Variants in SPN observed in about 807,000 individuals in gnomAD.
SPN encodes sialophorin.
In SPN, 6 loss-of-function variants were observed where a neutral mutation model predicts 8.4. The ratio of observed to expected loss-of-function variants is 0.72; its 90% CI spans 0.39 to 1.42. SPN has a LOEUF of 1.42. Among genes scored for constraint, SPN ranks in the 40% most tolerant of loss-of-function variants. SPN has a pLI of 0.02. For synonymous variants in SPN, 201 were observed against 222.6 expected, an observed-to-expected ratio of 0.90 and a Z score of 0.86; for missense variants, 517 against 530.6, an observed-to-expected ratio of 0.97 and a Z score of 0.25.
chr16:29,670,642 A>C lies in SPN; in HGVS notation c.*5711A>C, dbSNP rs1432080479. On this transcript the variant is annotated 3_prime_UTR_variant, in exon 2 of 2. Transcript: ENST00000652691. ...GACTTTGGAAAATACCAGCAATATA[A>C]TGTTAAGTGGGGAAAAAAGCAAGTT... The C allele has an allele frequency of 1.0e-5, 4 of 396,492 alleles. No homozygotes were observed. Among genetic ancestry groups the C allele is most frequent in the Non-Finnish European group, 2.0e-5 (4 of 197,226 alleles). 24.6% of individuals were successfully genotyped at this position (396,492 alleles called of 1,614,324 possible).
rs1966837606 is a variant in SPN at position 29,667,966 on chromosome 16, A to ATGTGTGTGCGCATGTGTG, written c.*3042_*3059dup. The stretch of plus-strand genomic sequence containing the variant: ...TGTGCCTGTGTGTGTATGTGTGCAC[A>ATGTGTGTGCGCATGTGTG]TGTGTGTGCGCATGTGTGTGTGTGC... On this transcript the variant is annotated 3_prime_UTR_variant, in exon 2 of 2. Transcript: ENST00000652691. 1 of 166,470 alleles carries ATGTGTGTGCGCATGTGTG rather than the reference A, an allele frequency of 6.0e-6. No homozygotes were observed. The highest frequency in any genetic ancestry group is 1.5e-5 in the Non-Finnish European group (1 of 68,192). The allele number at this position is 166,470 out of a possible 1,614,324, so 10.3% of individuals were successfully genotyped here.
rs186461909 is a variant in SPN at position 29,666,568 on chromosome 16, G to A, written c.*1637G>A. 3.8e-5 allele frequency: 9 copies of A among 239,360 alleles called. No individual in the cohort carries two copies. The highest frequency in any genetic ancestry group is 9.2e-5 in the African/African-American group (4 of 43,328). 14.8% of individuals were successfully genotyped at this position (239,360 alleles called of 1,614,324 possible). On this transcript the variant is annotated 3_prime_UTR_variant, in exon 2 of 2. Transcript: ENST00000652691. ...CACACACACACGCGCGCGCGCGCGCGCTCTCCTGCGAACAGAGGCAGGGGG... is the reference window on the plus strand; with the variant it reads ...CACACACACACGCGCGCGCGCGCGCACTCTCCTGCGAACAGAGGCAGGGGG...
In SPN at chr16:29,663,886, C is replaced by A; in HGVS notation, c.158C>A (p.Pro53His). Residue 53 changes from proline (P) to histidine (H), a missense_variant, in exon 2 of 2, where the codon CCT (proline) becomes CAT (histidine). Physicochemically the swap from Pro to His is moderately conservative, Grantham distance 77. Transcript: ENST00000652691. This position sits in a 1 kb window ranked among gnomAD's most constrained non-coding sequence, Gnocchi z 4.3. ...TACACCACTTCAATAACAAGTGACCCTAAGGCCGACAGCACTGGGGACCAG... is the reference window on the plus strand; with the variant it reads ...TACACCACTTCAATAACAAGTGACCATAAGGCCGACAGCACTGGGGACCAG... ...KMYTTSITSD[P>H]KADSTGDQTS... 6.2e-7 allele frequency: 1 copy of A among 1,614,102 alleles called. No homozygotes were observed. Among genetic ancestry groups the A allele is most frequent in the South Asian group, 1.1e-5 (1 of 91,084 alleles).
At position 29,668,175 on chromosome 16, in the gene SPN, A is replaced by G. The variant is rs888736601; in HGVS notation, c.*3244A>G. 6.0e-6 allele frequency: 1 copy of G among 166,730 alleles called. No homozygotes were observed. The highest frequency in any genetic ancestry group is 6.6e-5 in the Admixed American group (1 of 15,238). The allele number at this position is 166,730 out of a possible 1,614,324, so 10.3% of individuals were successfully genotyped here. On this transcript the variant is annotated 3_prime_UTR_variant, in exon 2 of 2. Transcript: ENST00000652691. ...CACTGCTTGATTCCTTTCTTTAAAA[A>G]TTATTTTTATTGTTTTCTACATATG...
At position 29,669,720 on chromosome 16, in the gene SPN, C is replaced by CA. The variant is rs1264600003; in HGVS notation, c.*4795dup. The CA allele has an allele frequency of 6.3e-6, 1 of 158,072 alleles. No individual in the cohort carries two copies. Among genetic ancestry groups the CA allele is most frequent in the East Asian group, 2.1e-4 (1 of 4,868 alleles). 9.8% of individuals were successfully genotyped at this position (158,072 alleles called of 1,614,324 possible). A position where few individuals can be genotyped will look rare whatever the true frequency, so the allele number is the denominator to read the frequency against. On this transcript the variant is annotated 3_prime_UTR_variant, in exon 2 of 2. Coordinates refer to ENST00000652691, the MANE Select transcript of SPN (RefSeq NM_003123.6). Reference sequence around the variant, plus strand: ...CATGGTGAAACCCTGTTTCAAAATACAAAAAATTAGCTGGGCGTGGTGGCG... The same window carrying CA: ...CATGGTGAAACCCTGTTTCAAAATACAAAAAAATTAGCTGGGCGTGGTGGCG...
Position 29,666,550 on chromosome 16 carries a change from A to ACGCGCG in SPN, c.*1620_*1621insGCGCGC, listed in dbSNP as rs1279108648. ...CACACACACACACACACACACACAC[A>ACGCGCG]CACGCGCGCGCGCGCGCGCTCTCCT... On this transcript the variant is annotated 3_prime_UTR_variant, in exon 2 of 2. Transcript: ENST00000652691. The ACGCGCG allele has an allele frequency of 0.019, 2,696 of 140,714 alleles. 30 individuals carry two copies. Among genetic ancestry groups the ACGCGCG allele is most frequent in the Middle Eastern group, 0.027 (8 of 294 alleles). 8.7% of individuals were successfully genotyped at this position (140,714 alleles called of 1,614,324 possible).
At position 29,664,317 on chromosome 16, in the gene SPN, T is replaced by G. The variant is rs772824490; in HGVS notation, c.589T>G (p.Ser197Ala). ...VTMATDSLET[S>A]TGTTGPPVTM... ...CATGGCAACTGACTCTCTGGAGACC[T>G]CCACTGGGACCACTGGACCCCCTGT... Residue 197 changes from serine to alanine, a missense_variant, in exon 2 of 2, where the codon TCC becomes GCC. Coordinates refer to ENST00000652691, the MANE Select transcript of SPN (RefSeq NM_003123.6). The surrounding 1 kb of genome is among the most constrained non-coding windows in gnomAD (Gnocchi z 6.4). The G allele has an allele frequency of 6.2e-7, 1 of 1,613,426 alleles. No individual in the cohort carries two copies. The highest frequency in any genetic ancestry group is 1.1e-5 in the South Asian group (1 of 91,082).
Position 29,666,659 on chromosome 16 carries a change from T to G in SPN, c.*1728T>G. 1 of 317,618 alleles carries G rather than the reference T, an allele frequency of 3.1e-6. No homozygotes were observed. The highest frequency in any genetic ancestry group is 6.6e-6 in the Non-Finnish European group (1 of 150,714). The allele number at this position is 317,618 out of a possible 1,614,324, so 19.7% of individuals were successfully genotyped here. On this transcript the variant is annotated 3_prime_UTR_variant, in exon 2 of 2. Transcript: ENST00000652691. ...GCTTCCCCACTGCACGTTTCCAGGT[T>G]TAGTTTGTCTGTGTCTCCTCTTCCA...
rs1172354435 is a variant in SPN at position 29,666,544 on chromosome 16, A to ACG, written c.*1614_*1615insGC. 5.1e-6 allele frequency: 1 copy of ACG among 197,902 alleles called. No homozygotes were observed. The highest frequency in any genetic ancestry group is 2.5e-5 in the African/African-American group (1 of 39,720). 12.3% of individuals were successfully genotyped at this position (197,902 alleles called of 1,614,324 possible). A position where few individuals can be genotyped will look rare whatever the true frequency, so the allele number is the denominator to read the frequency against. On this transcript the variant is annotated 3_prime_UTR_variant, in exon 2 of 2. Coordinates refer to ENST00000652691, the MANE Select transcript of SPN (RefSeq NM_003123.6). ...CTCTCTCACACACACACACACACAC[A>ACG]CACACACACGCGCGCGCGCGCGCGC...
rs1966835718 is a variant in SPN, at chr16:29,667,893, C to CATATGT, written c.*2963_*2968dup. ...GCCTACCAAGCCATGCGTGTGTGCA[C>CATATGT]ATATGTGTGTACGTGTGCATGTGCG... On this transcript the variant is annotated 3_prime_UTR_variant, in exon 2 of 2. Transcript: ENST00000652691. 1 of 166,584 alleles carries CATATGT rather than the reference C, an allele frequency of 6.0e-6. No homozygotes were observed. The highest frequency in any genetic ancestry group is 6.5e-5 in the Admixed American group (1 of 15,276). 10.3% of individuals were successfully genotyped at this position (166,584 alleles called of 1,614,324 possible). A position where few individuals can be genotyped will look rare whatever the true frequency, so the allele number is the denominator to read the frequency against.
In SPN at chr16:29,664,534, T is replaced by C. The variant is rs34710374; in HGVS notation, c.806T>C (p.Val269Ala). ...CTTGTGGCCCTGCTGGCGGTCATAG[T>C]CCTCGTGGCTCTGCTCCTGCTGTGG... ...AVLVALLAVI[V>A]LVALLLLWRR... The change falls in exon 2 of 2, where the codon GTC (valine) becomes GCC (alanine). Residue 269 changes from valine (V) to alanine (A), a missense_variant. Transcript: ENST00000652691. The surrounding 1 kb of genome is among the most constrained non-coding windows in gnomAD (Gnocchi z 6.4). 0.013 allele frequency: 21,347 copies of C among 1,613,854 alleles called. 188 individuals carry two copies. The highest frequency in any genetic ancestry group is 0.015 in the South Asian group (1,396 of 91,060).
Position 29,664,120 on chromosome 16 carries a change from C to A in SPN, c.392C>A (p.Thr131Lys). ...AACTCTCTAGGATCCCACACCGTGA[C>A]AGGTGGAACCATAACAACGAACTCT... ...TANSLGSHTV[T>K]GGTITTNSPE... Residue 131 changes from threonine (T) to lysine (K), a missense_variant, in exon 2 of 2, where the codon ACA (threonine) becomes AAA (lysine). Physicochemically the swap from Thr to Lys is moderately conservative, Grantham distance 78. Transcript: ENST00000652691. This position sits in a 1 kb window ranked among gnomAD's most constrained non-coding sequence, Gnocchi z 6.4. The A allele has an allele frequency of 6.2e-7, 1 of 1,614,116 alleles. No homozygotes were observed. Among genetic ancestry groups the A allele is most frequent in the Non-Finnish European group, 8.5e-7 (1 of 1,180,020 alleles).
Position 29,666,546 on chromosome 16 carries a change from ACACACACG to A in SPN, c.*1617_*1624del, listed in dbSNP as rs1567321435. On this transcript the variant is annotated 3_prime_UTR_variant, in exon 2 of 2. Coordinates refer to ENST00000652691, the MANE Select transcript of SPN (RefSeq NM_003123.6). ...CTCTCACACACACACACACACACACACACACACGCGCGCGCGCGCGCGCTCTCCTGCGA... is the reference window on the plus strand; with the variant it reads ...CTCTCACACACACACACACACACACACGCGCGCGCGCGCGCTCTCCTGCGA... 11 of 194,216 alleles carry A rather than the reference ACACACACG, an allele frequency of 5.7e-5. No individual in the cohort carries two copies. The highest frequency in any genetic ancestry group is 2.3e-4 in the African/African-American group (9 of 38,618). The allele number at this position is 194,216 out of a possible 1,614,324, so 12.0% of individuals were successfully genotyped here.
rs1295134640 is a variant in SPN at position 29,666,514 on chromosome 16, TCTCTCTCTCTCACA to T, written c.*1585_*1598del. The T allele has an allele frequency of 7.8e-6, 1 of 128,346 alleles. No individual in the cohort carries two copies. The highest frequency in any genetic ancestry group is 4.1e-5 in the African/African-American group (1 of 24,116). 8.0% of individuals were successfully genotyped at this position (128,346 alleles called of 1,614,324 possible). A position where few individuals can be genotyped will look rare whatever the true frequency, so the allele number is the denominator to read the frequency against. ...CACATGCATGTGCGCTCTCTCTCTC[TCTCTCTCTCTCACA>T]CACACACACACACACACACACACAC... On this transcript the variant is annotated 3_prime_UTR_variant, in exon 2 of 2. Transcript: ENST00000652691.
rs1483796416 is a variant in SPN, at chr16:29,665,699, T to G, written c.*768T>G. The G allele has an allele frequency of 1.2e-5, 2 of 167,014 alleles. No individual in the cohort carries two copies. Among genetic ancestry groups the G allele is most frequent in the African/African-American group, 2.4e-5 (1 of 41,440 alleles). 10.3% of individuals were successfully genotyped at this position (167,014 alleles called of 1,614,324 possible). ...GAACCCGGCAAACTCCCTCCTAGGATTAACTTTGTAAAGCACCCTTGCCCT... is the reference window on the plus strand; with the variant it reads ...GAACCCGGCAAACTCCCTCCTAGGAGTAACTTTGTAAAGCACCCTTGCCCT... On this transcript the variant is annotated 3_prime_UTR_variant, in exon 2 of 2. Coordinates refer to ENST00000652691, the MANE Select transcript of SPN (RefSeq NM_003123.6).
chr16:29,670,719 T>C lies in SPN; in HGVS notation c.*5788T>C, dbSNP rs185853705. ...GTTTTGTAATAAAAATTCCCAACCA[T>C]ATATGCACTTATAGGGAAACAAAGG... On this transcript the variant is annotated 3_prime_UTR_variant, in exon 2 of 2. Coordinates refer to ENST00000652691, the MANE Select transcript of SPN (RefSeq NM_003123.6). 6.6e-4 allele frequency: 301 copies of C among 455,516 alleles called. No individual in the cohort carries two copies. Among genetic ancestry groups the C allele is most frequent in the African/African-American group, 5.4e-3 (273 of 50,156 alleles). The allele number at this position is 455,516 out of a possible 1,614,324, so 28.2% of individuals were successfully genotyped here.
In SPN at chr16:29,663,842, G is replaced by A; in HGVS notation, c.114G>A (p.Glu38=). ...GAGAGCCTTTGGTCTCTACTAGCGAGCCCCTGAGCTCAAAGATGTACACCA... is the reference window on the plus strand; with the variant it reads ...GAGAGCCTTTGGTCTCTACTAGCGAACCCCTGAGCTCAAAGATGTACACCA... ...TSGEPLVSTS[E]PLSSKMYTTS... The change falls in exon 2 of 2, where the codon GAG becomes GAA. Residue 38 remains glutamate, a synonymous_variant. Transcript: ENST00000652691. The surrounding 1 kb of genome is among the most constrained non-coding windows in gnomAD (Gnocchi z 4.3). 6.2e-7 allele frequency: 1 copy of A among 1,614,100 alleles called. No homozygotes were observed. Among genetic ancestry groups the A allele is most frequent in the South Asian group, 1.1e-5 (1 of 91,076 alleles).
chr16:29,663,742 T>C lies in SPN; in HGVS notation c.14T>C (p.Leu5Pro). 6.4e-7 allele frequency: 1 copy of C among 1,572,080 alleles called. No individual in the cohort carries two copies. Among genetic ancestry groups the C allele is most frequent in the Middle Eastern group, 2.0e-4 (1 of 4,918 alleles). Reference sequence around the variant, plus strand: ...GTTTGCCTGGAAATGGCCACGCTTCTCCTTCTCCTTGGGGTGCTGGTGGTA... The same window carrying C: ...GTTTGCCTGGAAATGGCCACGCTTCCCCTTCTCCTTGGGGTGCTGGTGGTA... MATL[L>P]LLLGVLVVSP... Residue 5 changes from leucine (L) to proline (P), a missense_variant, in exon 2 of 2, where the codon CTC (leucine) becomes CCC (proline). Physicochemically the swap from Leu to Pro is moderately conservative, Grantham distance 98. Coordinates refer to ENST00000652691, the MANE Select transcript of SPN (RefSeq NM_003123.6). The surrounding 1 kb of genome is among the most constrained non-coding windows in gnomAD (Gnocchi z 4.3).
rs1219985046 is a variant in SPN at position 29,665,588 on chromosome 16, T to A, written c.*657T>A. The A allele has an allele frequency of 6.0e-6, 1 of 167,150 alleles. No individual in the cohort carries two copies. Among genetic ancestry groups the A allele is most frequent in the Non-Finnish European group, 1.5e-5 (1 of 68,252 alleles). The allele number at this position is 167,150 out of a possible 1,614,324, so 10.4% of individuals were successfully genotyped here. On this transcript the variant is annotated 3_prime_UTR_variant, in exon 2 of 2. Coordinates refer to ENST00000652691, the MANE Select transcript of SPN (RefSeq NM_003123.6). ...GCTGCTGAGTCTCCATCGGCCAAAC[T>A]TATCTGCCCTGTGATTTCTTTGACA...
Sources: gnomAD v4.1 joint callset for allele counts on GRCh38, gnomAD v4.1.1 for gene constraint, Gnocchi (gnomAD v3.1) non-coding constraint, MANE v1.5 for transcripts, NCBI Gene and HGNC (gene_info 2026-07-23, HGNC 2026-07-21) for gene names.